The following LRIG1 variants were observed in gnomAD, a reference collection of about 807,000 sequenced individuals.
The protein encoded by LRIG1 is leucine-rich repeats and immunoglobulin-like domains protein 1.
LRIG1 carries 48 observed loss-of-function variants against 99.2 expected under a neutral mutation model. That is an observed-to-expected ratio of 0.48 (90% CI 0.38 to 0.62). LRIG1 has a LOEUF of 0.62. Among genes scored for constraint, LRIG1 ranks in the 20% least tolerant of loss-of-function variants. LRIG1 has a pLI of 0.00. For missense variants in LRIG1, 1,646 were observed against 1,434.4 expected (o/e 1.15, Z -2.38); for synonymous variants, 772 against 596.1 (o/e 1.29, Z -4.30).
intron 6 of LRIG1, among the ~76,000 whole-genome samples, 187 bp downstream of exon 6, chr3:66,412,684 G>GCGCGAACGTGCACA (rs1702507156): frequency 1.3e-5 from 2 of 152,196 alleles, no homozygotes. Flanking sequence ...GCTGGTGTGG[G>GCGCGAACGTGCACA]CGCGCACGTG....
intron 3 of LRIG1, among the ~76,000 whole-genome samples, chr3:66,433,499 T>C (rs958421005): frequency 6.6e-6 from 1 of 152,196 alleles, no homozygotes; most frequent in Non-Finnish European, 1.5e-5. Context: ...GAGGAAGCTG[T>C]TTCAGCACTT....
At chr3:66,433,032 T>C (rs1703228557) in intron 3 of LRIG1, among the ~76,000 whole-genome samples, 1 of 152,158 alleles carries the variant, frequency 6.6e-6, no homozygotes, top group Non-Finnish European at 1.5e-5. Flanking sequence ...TATTTATATT[T>C]AGGATGACTG....
chr3:66,453,749 A>G lies in LRIG1; in HGVS notation c.291-2116T>C, dbSNP rs111333779. Among the ~76,000 whole-genome samples the G allele has an allele frequency of 7.7e-3, 1,169 of 152,320 alleles. 17 individuals are homozygous for G. The highest frequency in any genetic ancestry group is 0.027 in the African/African-American group (1,114 of 41,564). On this transcript the variant is annotated intron_variant, in intron 2 of 18. Transcript: ENST00000273261. ...AGCAGCGGGCTCAAAGGCCAGCTGGAAAGCTCATAATCCCTTAGGTAACAG... is the reference window on the plus strand; with the variant it reads ...AGCAGCGGGCTCAAAGGCCAGCTGGGAAGCTCATAATCCCTTAGGTAACAG...
intron 15 of LRIG1, among the ~76,000 whole-genome samples, chr3:66,382,669 A>G (rs332370): frequency 0.71 from 108,660 of 152,164 alleles, 39,931 homozygotes; most frequent in African/African-American, 0.89. Flanking sequence ...GAAGTACCGC[A>G]CTGTTTCAGG....
chr3:66,429,676 G>A (rs1282946590), intron 3 of LRIG1, among the ~76,000 whole-genome samples: 1 of 152,118 alleles, frequency 6.6e-6, no homozygotes, highest in Non-Finnish European at 1.5e-5. Flanking sequence ...AACCAAGACT[G>A]AACTCTAATG....
chr3:66,408,981 G>T (rs984448449), intron 7 of LRIG1, among the ~76,000 whole-genome samples: 1 of 140,882 alleles, frequency 7.1e-6, no homozygotes, highest in African/African-American at 2.6e-5. Context: ...AGGGGGGGAG[G>T]AGGAGGGAAG....
chr3:66,397,298 C>T (rs1701887409), intron 11 of LRIG1, among the ~76,000 whole-genome samples: 1 of 152,124 alleles, frequency 6.6e-6, no homozygotes, highest in Admixed American at 6.5e-5. Flanking sequence ...AGAGTGGCCT[C>T]GGGGAATGGG....
intron 10 of LRIG1, 104 bp from the exon 11 acceptor site, chr3:66,398,287 C>G: frequency 1.2e-6 from 1 of 827,784 alleles, no homozygotes; most frequent in Non-Finnish European, 2.0e-6. Context: ...ACTAGCCAGA[C>G]CTGTGTCCTA....
At chr3:66,473,539 G>C (rs532214343) in intron 1 of LRIG1, among the ~76,000 whole-genome samples, 1 of 152,164 alleles carries the variant, frequency 6.6e-6, no homozygotes, top group Non-Finnish European at 1.5e-5. Flanking sequence ...AATGCTCGGC[G>C]TTACAAATGG....
Position 66,380,290 on chromosome 3 carries a change from CA to C in LRIG1, c.3254del (p.Val1085GlyfsTer63). 6.2e-7 allele frequency: 1 copy of C among 1,613,536 alleles called. No homozygotes were observed. The highest frequency in any genetic ancestry group is 8.5e-7 in the Non-Finnish European group (1 of 1,179,562). Reference protein sequence around the residue: ...LTGQLPGKQRVPLLLAPKS With the variant: ...LTGQLPGKQRXPLLLAPKS ...AGCTTTTTGGTGCCAACAGCAGTGG[CA>C]CCCTCTGTTTCCCGGGGAGCTGTCC... On this transcript the variant is annotated frameshift_variant, in exon 19 of 19. Transcript: ENST00000273261. LOFTEE classifies it high-confidence loss of function.
intron 3 of LRIG1, among the ~76,000 whole-genome samples, chr3:66,438,650 G>C (rs115619168): frequency 0.012 from 1,795 of 152,336 alleles, 14 homozygotes; most frequent in Non-Finnish European, 0.02. Flanking sequence ...CAGTTCCCAA[G>C]AGTTGGAATG....
chr3:66,440,291 T>C (rs1291854438), intron 3 of LRIG1, among the ~76,000 whole-genome samples: 2 of 152,154 alleles, frequency 1.3e-5, no homozygotes, highest in Non-Finnish European at 2.9e-5. Flanking sequence ...CATCTAGATT[T>C]TTTTAAGCTC....
intron 12 of LRIG1, among the ~76,000 whole-genome samples, chr3:66,392,677 A>T (rs1447885121): frequency 6.6e-6 from 1 of 152,026 alleles, no homozygotes; most frequent in Non-Finnish European, 1.5e-5. Context: ...AATCCAGAAT[A>T]TGCCAGGGCC....
intron 3 of LRIG1, 44 bp downstream of exon 3, chr3:66,451,515 G>A (rs1703903535): frequency 1.3e-6 from 2 of 1,558,756 alleles, no homozygotes; most frequent in Non-Finnish European, 1.8e-6. Flanking sequence ...CAAACACCAT[G>A]GCCCCACCAC....
intron 2 of LRIG1, among the ~76,000 whole-genome samples, chr3:66,460,321 G>T (rs927386774): frequency 6.6e-6 from 1 of 152,306 alleles, no homozygotes; most frequent in Middle Eastern, 3.4e-3. Flanking sequence ...AGACAGCTTG[G>T]ATCAGGGAAA....
chr3:66,432,220 C>A (rs998012367), intron 3 of LRIG1, among the ~76,000 whole-genome samples: 15 of 152,118 alleles, frequency 9.9e-5, no homozygotes, highest in African/African-American at 3.6e-4. Context: ...CCCCTGCCCC[C>A]GACACTCTCA....
At chr3:66,409,543 G>A (rs1023178244) in intron 7 of LRIG1, among the ~76,000 whole-genome samples, 3 of 152,198 alleles carry the variant, frequency 2.0e-5, no homozygotes, top group African/African-American at 2.4e-5. Context: ...AACTAAGCAC[G>A]CACACGACTG....
chr3:66,424,461 G>A (rs1189871105), intron 3 of LRIG1, among the ~76,000 whole-genome samples: 4 of 152,134 alleles, frequency 2.6e-5, no homozygotes, highest in African/African-American at 4.8e-5. Context: ...TGCTGCCCTC[G>A]CTCAACCCGG....
At chr3:66,484,638 T>G (rs994890406) in intron 1 of LRIG1, among the ~76,000 whole-genome samples, 2 of 152,048 alleles carry the variant, frequency 1.3e-5, no homozygotes, top group Non-Finnish European at 2.9e-5. Context: ...AAGCCCCACG[T>G]GGTGGCTGGG....
Sources: gnomAD v4.1 joint callset for allele counts (sites outside exome capture counted in the v4.1 genomes callset) on GRCh38, gnomAD v4.1.1 for gene constraint, MANE v1.5 for transcripts, NCBI Gene and HGNC (gene_info 2026-07-23, HGNC 2026-07-21) for gene names.